B3GALT1: variants seen among roughly 807,000 people sequenced by gnomAD.
B3GALT1 encodes the protein beta-1,3-galactosyltransferase 1.
A neutral mutation model predicts 23.2 loss-of-function variants in B3GALT1; 10 were observed. The ratio of observed to expected loss-of-function variants is 0.43; its 90% CI spans 0.27 to 0.73. The LOEUF is 0.73. Among genes scored for constraint, B3GALT1 ranks in the 30% least tolerant of loss-of-function variants. B3GALT1 has a pLI of 0.21. For missense variants in B3GALT1, 299 were observed against 405.4 expected (o/e 0.74, Z 2.25); for synonymous variants, 156 against 141.5 (o/e 1.10, Z -0.73).
intron 2 of B3GALT1, among the ~76,000 whole-genome samples, chr2:167,554,589 G>T (rs1353858103): frequency 6.6e-6 from 1 of 152,074 alleles, no homozygotes; most frequent in Non-Finnish European, 1.5e-5. Context: ...TGCAGAGCTG[G>T]TGTGAAAAAT....
intron 1 of B3GALT1, among the ~76,000 whole-genome samples, chr2:167,426,253 G>T (rs558530526): frequency 6.6e-6 from 1 of 151,722 alleles, no homozygotes; most frequent in Admixed American, 6.6e-5. Context: ...AACTTGAGGG[G>T]CATTCAGGAT....
intron 1 of B3GALT1, among the ~76,000 whole-genome samples, chr2:167,387,694 A>G (rs1574059080): frequency 6.6e-6 from 1 of 152,214 alleles, no homozygotes; most frequent in East Asian, 1.9e-4. Flanking sequence ...AAATCATAGA[A>G]TGTGCTTATT....
intron 3 of B3GALT1, among the ~76,000 whole-genome samples, chr2:167,803,081 A>AACAC (rs71940853): frequency 0.061 from 8,603 of 141,356 alleles, 400 homozygotes; most frequent in East Asian, 0.17. Context: ...GACCCTAACA[A>AACAC]ACACACACAC....
At chr2:167,350,539 A>C (rs949851286) in intron 1 of B3GALT1, among the ~76,000 whole-genome samples, 1 of 152,204 alleles carries the variant, frequency 6.6e-6, no homozygotes, top group African/African-American at 2.4e-5. Context: ...ATTGCATTGC[A>C]TGCAGATAAC....
At chr2:167,732,374 A>C (rs533196309) in intron 3 of B3GALT1, among the ~76,000 whole-genome samples, 1 of 152,230 alleles carries the variant, frequency 6.6e-6, no homozygotes, top group Non-Finnish European at 1.5e-5. Flanking sequence ...TTAGAAGTTG[A>C]ACCTGTTTGG....
At chr2:167,754,783 G>A (rs1574246126) in intron 3 of B3GALT1, among the ~76,000 whole-genome samples, 1 of 152,088 alleles carries the variant, frequency 6.6e-6, no homozygotes, top group African/African-American at 2.4e-5. Context: ...GTTTTAGTAA[G>A]CAACCCTGCA....
At chr2:167,739,944 A>C (rs1007920077) in intron 3 of B3GALT1, among the ~76,000 whole-genome samples, 3 of 141,788 alleles carry the variant, frequency 2.1e-5, no homozygotes, top group East Asian at 3.9e-4. Flanking sequence ...ACAAACAAAA[A>C]AAAAAAAATC....
intron 3 of B3GALT1, among the ~76,000 whole-genome samples, chr2:167,800,240 G>A (rs924410578): frequency 1.3e-5 from 2 of 152,162 alleles, no homozygotes; most frequent in East Asian, 3.9e-4. Context: ...AGCCCCAGAG[G>A]AGAAACATGG....
At chr2:167,659,900 T>C (rs568834552) in intron 3 of B3GALT1, among the ~76,000 whole-genome samples, 1 of 152,156 alleles carries the variant, frequency 6.6e-6, no homozygotes, top group South Asian at 2.1e-4. Flanking sequence ...TGTCACTGTG[T>C]AGTAGTGATT....
intron 3 of B3GALT1, among the ~76,000 whole-genome samples, chr2:167,721,018 CTTCT>C (rs1318385123): frequency 2.0e-5 from 3 of 152,146 alleles, no homozygotes; most frequent in East Asian, 1.9e-4. Flanking sequence ...CATCTCCTTC[CTTCT>C]TTCTCTCTCC....
intron 1 of B3GALT1, among the ~76,000 whole-genome samples, chr2:167,379,368 C>G (rs180698642): frequency 1.3e-5 from 2 of 152,242 alleles, no homozygotes; most frequent in African/African-American, 4.8e-5. Context: ...GGTGGGGATA[C>G]AAAGCCTAAC....
chr2:167,641,025 A>G (rs1685644528), intron 2 of B3GALT1, among the ~76,000 whole-genome samples: 1 of 152,200 alleles, frequency 6.6e-6, no homozygotes, highest in South Asian at 2.1e-4. Context: ...TCTCAAAATG[A>G]ATCTCTTCCG....
intron 1 of B3GALT1, among the ~76,000 whole-genome samples, chr2:167,361,212 GTTTTTTT>G (rs66780629): frequency 9.6e-6 from 1 of 104,214 alleles, no homozygotes; most frequent in Non-Finnish European, 2.0e-5. Context: ...TCCCCCACTA[GTTTTTTT>G]TTTTTTTTTT....
intron 2 of B3GALT1, among the ~76,000 whole-genome samples, chr2:167,589,529 T>C (rs1684639266): frequency 6.6e-6 from 1 of 152,164 alleles, no homozygotes; most frequent in Non-Finnish European, 1.5e-5. Context: ...TTGAAACAAC[T>C]CTGTTTATTC....
chr2:167,610,149 T>A (rs1451287897), intron 2 of B3GALT1, among the ~76,000 whole-genome samples: 1 of 152,146 alleles, frequency 6.6e-6, no homozygotes, highest in African/African-American at 2.4e-5. Context: ...TGATTTAGGA[T>A]GAAGGTTAGT....
intron 4 of B3GALT1, among the ~76,000 whole-genome samples, chr2:167,842,530 A>G (rs1285129499): frequency 6.6e-6 from 1 of 152,240 alleles, no homozygotes; most frequent in Non-Finnish European, 1.5e-5. Flanking sequence ...AATAAGTTGT[A>G]TTAAATATTT....
At chr2:167,670,800 A>T (rs1399930976) in intron 3 of B3GALT1, among the ~76,000 whole-genome samples, 1 of 152,198 alleles carries the variant, frequency 6.6e-6, no homozygotes, top group Non-Finnish European at 1.5e-5. Flanking sequence ...GCTAAATTAA[A>T]CAAAAGAAAG....
At chr2:167,448,753 C>T (rs1699041974) in intron 1 of B3GALT1, among the ~76,000 whole-genome samples, 1 of 152,100 alleles carries the variant, frequency 6.6e-6, no homozygotes, top group African/African-American at 2.4e-5. Context: ...TTAAGTCCTT[C>T]ATTCATTTTG....
chr2:167,748,671 G>A (rs1310030213), intron 3 of B3GALT1, among the ~76,000 whole-genome samples: 1 of 152,128 alleles, frequency 6.6e-6, no homozygotes, highest in Admixed American at 6.6e-5. Flanking sequence ...AGAAGCCAGA[G>A]GCAGGTATTG....
Sources: gnomAD v4.1 joint callset for allele counts (sites outside exome capture counted in the v4.1 genomes callset) on GRCh38, gnomAD v4.1.1 for gene constraint, MANE v1.5 for transcripts, NCBI Gene and HGNC (gene_info 2026-07-23, HGNC 2026-07-21) for gene names.